The following SLC22A25 variants were observed in gnomAD, a reference collection of about 807,000 sequenced individuals.
The protein encoded by SLC22A25 is solute carrier family 22 member 25.
SLC22A25 carries 44 observed loss-of-function variants against 45.9 expected under a neutral mutation model. The ratio of observed to expected loss-of-function variants is 0.96; its 90% CI spans 0.75 to 1.23. The LOEUF (loss-of-function observed/expected upper bound fraction) is 1.23. Among genes scored for constraint, SLC22A25 ranks in the 50% most tolerant of loss-of-function variants. The pLI, the probability that SLC22A25 is intolerant of heterozygous loss-of-function variation, is 0.00. For synonymous variants in SLC22A25, 283 were observed against 238.6 expected (o/e 1.19, Z -1.72); for missense variants, 800 against 666.4 (o/e 1.20, Z -2.21).
chr11:63,226,887 C>T (rs896542443), intron 5 of SLC22A25, among the ~76,000 whole-genome samples: 5 of 152,242 alleles, frequency 3.3e-5, no homozygotes, highest in Non-Finnish European at 5.9e-5. Flanking sequence ...CTTCTCTCCC[C>T]TTTCCACCAG....
chr11:63,193,217 C>A (rs911369262), intron 7 of SLC22A25, among the ~76,000 whole-genome samples: 1 of 152,202 alleles, frequency 6.6e-6, no homozygotes, highest in Non-Finnish European at 1.5e-5. Flanking sequence ...CCAGTCTACA[C>A]CTCCCAGCAT....
intron 9 of SLC22A25, among the ~76,000 whole-genome samples, chr11:63,180,340 G>A (rs192600824): frequency 3.3e-5 from 5 of 152,174 alleles, no homozygotes; most frequent in African/African-American, 1.2e-4. Context: ...CATATGATTT[G>A]CTGTTTATAA....
At chr11:63,170,591 T>C (rs1463644777) in intron 9 of SLC22A25, among the ~76,000 whole-genome samples, 10 of 152,102 alleles carry the variant, frequency 6.6e-5, no homozygotes, top group Admixed American at 6.5e-4. Flanking sequence ...CCTGGACATA[T>C]ACACCCTCCC....
chr11:63,224,367 T>C (rs1437277466), intron 5 of SLC22A25, among the ~76,000 whole-genome samples: 1 of 152,168 alleles, frequency 6.6e-6, no homozygotes, highest in Non-Finnish European at 1.5e-5. Context: ...TCATTGTTTT[T>C]GTTTTTACTA....
chr11:63,211,888 G>C (rs574862593), intron 7 of SLC22A25, among the ~76,000 whole-genome samples: 83 of 152,088 alleles, frequency 5.5e-4, no homozygotes, highest in African/African-American at 1.3e-3. Context: ...GCAACCTACA[G>C]AATGGGAGAA....
At chr11:63,197,418 G>C (rs7925045) in intron 7 of SLC22A25, among the ~76,000 whole-genome samples, 117 of 152,052 alleles carry the variant, frequency 7.7e-4, no homozygotes, top group African/African-American at 2.7e-3. Context: ...ATATAGACCA[G>C]TGGAACAGAA....
chr11:63,222,722 A>T (rs976929234), intron 5 of SLC22A25, among the ~76,000 whole-genome samples: 59 of 151,564 alleles, frequency 3.9e-4, no homozygotes, highest in African/African-American at 1.3e-3. Context: ...AAGGCTTTCA[A>T]TTTTTTCCCC....
At chr11:63,170,113 C>T (rs181703782) in intron 9 of SLC22A25, among the ~76,000 whole-genome samples, 9 of 152,130 alleles carry the variant, frequency 5.9e-5, no homozygotes, top group Admixed American at 2.0e-4. Flanking sequence ...TTATTTGAAA[C>T]GAATGAGAAC....
intron 7 of SLC22A25, among the ~76,000 whole-genome samples, chr11:63,213,080 G>A (rs570847713): frequency 2.0e-5 from 3 of 152,276 alleles, no homozygotes; most frequent in Non-Finnish European, 4.4e-5. Context: ...GCTTGGAAGT[G>A]CACACAAGGA....
At chr11:63,177,351 AGTGTGTGTGTGTGT>A (rs58040188) in intron 9 of SLC22A25, among the ~76,000 whole-genome samples, 2,819 of 149,764 alleles carry the variant, frequency 0.019, 77 homozygotes, top group African/African-American at 0.052. Context: ...TCATCATTTG[AGTGTGTGTGTGTGT>A]GTGTGTGTGT....
chr11:63,195,671 A>G (rs1055270903), intron 7 of SLC22A25, among the ~76,000 whole-genome samples: 2 of 152,160 alleles, frequency 1.3e-5, no homozygotes, highest in Non-Finnish European at 2.9e-5. Context: ...CAAAATTGAC[A>G]CCCTAACATC....
At chr11:63,165,727 T>G (rs1287965998) in intron 10 of SLC22A25, among the ~76,000 whole-genome samples, 1 of 152,234 alleles carries the variant, frequency 6.6e-6, no homozygotes, top group Non-Finnish European at 1.5e-5. Context: ...CAACACTTAC[T>G]AAGAGTTTGA....
chr11:63,196,917 C>A (rs936321686), intron 7 of SLC22A25, among the ~76,000 whole-genome samples: 1 of 152,124 alleles, frequency 6.6e-6, no homozygotes, highest in African/African-American at 2.4e-5. Context: ...TCTCAGGATA[C>A]AAAATCAATG....
At chr11:63,196,902 C>A (rs1721923195) in intron 7 of SLC22A25, among the ~76,000 whole-genome samples, 1 of 152,152 alleles carries the variant, frequency 6.6e-6, no homozygotes, top group African/African-American at 2.4e-5. Context: ...AGCAACTCAG[C>A]AAAGTCTCAG....
At chr11:63,220,166 C>CA (rs11336277) in intron 5 of SLC22A25, 7 of 381,924 alleles carry the variant, frequency 1.8e-5, no homozygotes, top group South Asian at 4.2e-5. Flanking sequence ...TTTGCAAAGA[C>CA]AAAAAAAATC....
intron 3 of SLC22A25, among the ~76,000 whole-genome samples, chr11:63,232,286 G>C (rs1355158746): frequency 2.0e-5 from 3 of 152,120 alleles, no homozygotes; most frequent in Non-Finnish European, 4.4e-5. Flanking sequence ...TCTTCCATTT[G>C]TTTGTATCCT....
chr11:63,192,155 C>T (rs568679096), intron 7 of SLC22A25, among the ~76,000 whole-genome samples: 9 of 152,150 alleles, frequency 5.9e-5, no homozygotes, highest in Non-Finnish European at 5.9e-5. Flanking sequence ...AAACCCCCTA[C>T]AAGCCAGAAG....
At chr11:63,168,103 C>G (rs1407282223) in intron 9 of SLC22A25, 1 of 164,908 alleles carries the variant, frequency 6.1e-6, no homozygotes, top group Non-Finnish European at 1.3e-5. Flanking sequence ...AACTTACAAA[C>G]AGAGAGAAGT....
chr11:63,174,074 C>G (rs1328195385), intron 9 of SLC22A25, among the ~76,000 whole-genome samples: 1 of 151,980 alleles, frequency 6.6e-6, no homozygotes, highest in Non-Finnish European at 1.5e-5. Flanking sequence ...CTGACAGGCC[C>G]TGGTGTGTGA....
Sources: allele counts gnomAD v4.1 joint callset (sites outside exome capture counted in the v4.1 genomes callset), GRCh38; gene constraint gnomAD v4.1.1; transcripts MANE v1.5; gene names NCBI Gene and HGNC (gene_info 2026-07-23, HGNC 2026-07-21).